Variants in FNDC3B observed in about 807,000 individuals in gnomAD.
The protein encoded by FNDC3B is fibronectin type III domain-containing protein 3B.
A neutral mutation model predicts 151.5 loss-of-function variants in FNDC3B; 12 were observed. That is an observed-to-expected ratio of 0.08 (90% confidence interval 0.05 to 0.13). FNDC3B has a LOEUF of 0.13. Among genes scored for constraint, FNDC3B ranks in the 10% least tolerant of loss-of-function variants. The pLI is 1.00. For synonymous variants in FNDC3B, 528 were observed against 549.0 expected (o/e 0.96, Z 0.54); for missense variants, 1,214 against 1,505.3 (o/e 0.81, Z 3.20).
At chr3:172,180,223 C>A (rs1723819930) in intron 3 of FNDC3B, among the ~76,000 whole-genome samples, 1 of 152,168 alleles carries the variant, frequency 6.6e-6, no homozygotes, top group Non-Finnish European at 1.5e-5. Flanking sequence ...TGGAATCTGT[C>A]AGATGTGGAC....
In FNDC3B at chr3:172,165,523, A is replaced by G. The variant is rs114742553; in HGVS notation, c.187+31977A>G. Among the ~76,000 whole-genome samples the G allele has an allele frequency of 5.3e-3, 806 of 152,318 alleles. 10 individuals carry two copies. Among genetic ancestry groups the G allele is most frequent in the African/African-American group, 0.018 (763 of 41,566 alleles). The stretch of plus-strand genomic sequence containing the variant: ...GATTGAATATGTTTTATACCAAAAT[A>G]TAGTTTATTGTTCCATGAATATATT... On this transcript the variant is annotated intron_variant, in intron 3 of 25. Coordinates refer to ENST00000415807, the MANE Select transcript of FNDC3B (RefSeq NM_022763.4).
At chr3:172,300,484 T>C (rs1242000017) in intron 9 of FNDC3B, among the ~76,000 whole-genome samples, 2 of 152,052 alleles carry the variant, frequency 1.3e-5, no homozygotes, top group African/African-American at 4.8e-5. Flanking sequence ...TAAACCCTTA[T>C]TACAAAGGGT....
intron 3 of FNDC3B, among the ~76,000 whole-genome samples, chr3:172,188,001 T>TG (rs1724287342): frequency 6.6e-6 from 1 of 151,380 alleles, no homozygotes; most frequent in Admixed American, 6.6e-5. Context: ...AAGCAGTTTT[T>TG]TTTTTTTTTT....
Position 172,401,115 on chromosome 3 carries a change from G to GT in FNDC3B, c.*3643dup, listed in dbSNP as rs1261013284. On this transcript the variant is annotated 3_prime_UTR_variant, in exon 26 of 26. Transcript: ENST00000415807. ...TTTTTTTAATTTTAGTAGAGTCGGG[G>GT]TTTCACCATGTTGGCCAAGATGGTC... 1 of 152,178 alleles carries GT rather than the reference G, an allele frequency of 6.6e-6. No individual in the cohort carries two copies. The highest frequency in any genetic ancestry group is 1.5e-5 in the Non-Finnish European group (1 of 68,140). The allele number at this position is 152,178 out of a possible 1,614,324, so 9.4% of individuals were successfully genotyped here.
intron 6 of FNDC3B, among the ~76,000 whole-genome samples, chr3:172,277,643 A>T (rs978855698): frequency 6.6e-6 from 1 of 152,170 alleles, no homozygotes; most frequent in Non-Finnish European, 1.5e-5. Context: ...GTTTTAAAAT[A>T]TGTATTTTTT....
At chr3:172,094,474 G>A (rs367747689) in intron 1 of FNDC3B, among the ~76,000 whole-genome samples, 28 of 152,264 alleles carry the variant, frequency 1.8e-4, no homozygotes, top group African/African-American at 6.7e-4. Context: ...GCTGTAGCAT[G>A]TATCAGTATT....
chr3:172,130,848 G>C (rs968862667), intron 2 of FNDC3B, among the ~76,000 whole-genome samples: 2 of 152,058 alleles, frequency 1.3e-5, no homozygotes, highest in African/African-American at 4.8e-5. Context: ...GGCATCCATT[G>C]GTTCCCCCCT....
At chr3:172,150,821 T>A (rs949398033) in intron 3 of FNDC3B, among the ~76,000 whole-genome samples, 2 of 152,306 alleles carry the variant, frequency 1.3e-5, no homozygotes, top group South Asian at 4.1e-4. Flanking sequence ...AATAAGCACA[T>A]CATCGAGAAT....
At chr3:172,175,894 A>G (rs1191852530) in intron 3 of FNDC3B, among the ~76,000 whole-genome samples, 2 of 152,138 alleles carry the variant, frequency 1.3e-5, no homozygotes, top group African/African-American at 4.8e-5. Context: ...GGAAATGAAA[A>G]CTTACCTGTA....
chr3:172,190,440 G>A (rs551318066), intron 3 of FNDC3B, among the ~76,000 whole-genome samples: 3 of 152,268 alleles, frequency 2.0e-5, no homozygotes, highest in African/African-American at 4.8e-5. Context: ...GCTAGGAATC[G>A]GATTGCAGCA....
At chr3:172,065,759 A>G (rs982767421) in intron 1 of FNDC3B, among the ~76,000 whole-genome samples, 2 of 152,248 alleles carry the variant, frequency 1.3e-5, no homozygotes, top group African/African-American at 4.8e-5. Flanking sequence ...TACTGAAGTC[A>G]GAAAGTATAT....
intron 2 of FNDC3B, chr3:172,127,120 T>G: frequency 2.2e-6 from 1 of 454,428 alleles, no homozygotes; most frequent in South Asian, 1.6e-5. Context: ...TGGTAAAAAA[T>G]TTTTCTTGAG....
intron 6 of FNDC3B, among the ~76,000 whole-genome samples, chr3:172,270,548 T>TG (rs1216472674): frequency 6.6e-6 from 1 of 152,238 alleles, no homozygotes; most frequent in Non-Finnish European, 1.5e-5. Flanking sequence ...CAATCCTTCC[T>TG]GGCATAGCCC....
intron 3 of FNDC3B, among the ~76,000 whole-genome samples, chr3:172,182,817 T>C (rs1429521802): frequency 6.6e-6 from 1 of 152,228 alleles, no homozygotes; most frequent in African/African-American, 2.4e-5. Context: ...ACTTGAGGTG[T>C]GTGAATGAGA....
intron 1 of FNDC3B, among the ~76,000 whole-genome samples, chr3:172,053,720 C>T (rs562523093): frequency 2.7e-5 from 4 of 149,786 alleles, no homozygotes; most frequent in East Asian, 3.9e-4. Context: ...TGTAGTGAGC[C>T]GAGACTGCGC....
In FNDC3B at chr3:172,217,483, TTGC is replaced by T. The variant is rs1423707342; in HGVS notation, c.188-9380_188-9378del. Among the ~76,000 whole-genome samples the T allele has an allele frequency of 2.0e-5, 3 of 152,224 alleles. No homozygotes were observed. The East Asian group carries it at 5.8e-4, about 29-fold the overall frequency. ...GAGTTCCTTGCCTCTAATGAAACAA[TTGC>T]TGCTGCTTTATGCAGTAGTTTGTTG... On this transcript the variant is annotated intron_variant, in intron 3 of 25. Transcript: ENST00000415807.
At chr3:172,076,023 C>T (rs1467008041) in intron 1 of FNDC3B, among the ~76,000 whole-genome samples, 1 of 152,052 alleles carries the variant, frequency 6.6e-6, no homozygotes, top group Admixed American at 6.6e-5. Flanking sequence ...TGCCTTTAGT[C>T]CTCTTTTACA....
intron 3 of FNDC3B, among the ~76,000 whole-genome samples, chr3:172,166,180 A>G (rs912088275): frequency 6.6e-6 from 1 of 152,210 alleles, no homozygotes; most frequent in African/African-American, 2.4e-5. Context: ...CACTCATTTC[A>G]TCGGAATTGG....
rs1735252175 is a variant in FNDC3B at position 172,378,188 on chromosome 3, T to G, written c.3009-82T>G. On this transcript the variant is annotated intron_variant, in intron 23 of 25. Coordinates refer to ENST00000415807, the MANE Select transcript of FNDC3B (RefSeq NM_022763.4). ...AAGCGTTTACCAGGTTGGCCTAATCTGCTCCATTAGTTTGCATCATAATTA... is the reference window on the plus strand; with the variant it reads ...AAGCGTTTACCAGGTTGGCCTAATCGGCTCCATTAGTTTGCATCATAATTA... 8 of 1,310,770 alleles carry G rather than the reference T, an allele frequency of 6.1e-6. No individual in the cohort carries two copies. In the South Asian group the frequency reaches 1.2e-4, roughly 20 times the overall value. 81.2% of individuals were successfully genotyped at this position (1,310,770 alleles called of 1,614,324 possible). A position where few individuals can be genotyped will look rare whatever the true frequency, so the allele number is the denominator to read the frequency against.
Sources: gnomAD v4.1 joint callset for allele counts (sites outside exome capture counted in the v4.1 genomes callset) on GRCh38, gnomAD v4.1.1 for gene constraint, MANE v1.5 for transcripts, NCBI Gene and HGNC (gene_info 2026-07-23, HGNC 2026-07-21) for gene names.